Variants in GLIS3 observed in about 807,000 individuals in gnomAD.
GLIS3 encodes GLIS family zinc finger 3, also known as zinc finger protein GLIS3.
GLIS3 carries 53 observed loss-of-function variants against 78.6 expected under a neutral mutation model. The ratio of observed to expected loss-of-function variants is 0.67; its 90% confidence interval spans 0.54 to 0.85. GLIS3 has a LOEUF of 0.85. Ranked by LOEUF, GLIS3 falls within the 40% of genes least tolerant of loss-of-function variation. The pLI, the probability that GLIS3 is intolerant of heterozygous loss-of-function variation, is 0.00. For missense variants in GLIS3, 1,703 were observed against 1,231.1 expected (o/e 1.38, Z -5.74); for synonymous variants, 684 against 509.9 (o/e 1.34, Z -4.60).
chr9:4,066,348 G>A (rs1008903875), intron 4 of GLIS3, among the ~76,000 whole-genome samples: 4 of 152,076 alleles, frequency 2.6e-5, no homozygotes, highest in Admixed American at 1.3e-4. Context: ...GAAATCCTCT[G>A]GAGTGCATAT....
rs1250960206 is a variant in GLIS3 at position 4,117,759 on chromosome 9, G to A, written c.1710+9C>T. ...AAGAGAGGTCACCCCTTGCGCTTCGGAAACTCACCGTACACTTGTTGGGCT... is the reference window on the plus strand; with the variant it reads ...AAGAGAGGTCACCCCTTGCGCTTCGAAAACTCACCGTACACTTGTTGGGCT... On this transcript the variant is annotated intron_variant, in intron 4 of 10. Coordinates refer to ENST00000381971, the MANE Select transcript of GLIS3 (RefSeq NM_001042413.2). 9 of 1,614,054 alleles carry A rather than the reference G, an allele frequency of 5.6e-6. No individual in the cohort carries two copies. Among genetic ancestry groups the A allele is most frequent in the African/African-American group, 1.3e-5 (1 of 74,910 alleles).
chr9:3,828,068 AC>A lies in GLIS3; in HGVS notation c.*203del. On this transcript the variant is annotated 3_prime_UTR_variant, in exon 11 of 11. Transcript: ENST00000381971. ...CCTCCTGGTCACATAGTCCAGGAAA[AC>A]CAGAGAGAAAAAGGAGCAACTGTAA... 1 of 618,800 alleles carries A rather than the reference AC, an allele frequency of 1.6e-6. No homozygotes were observed. Among genetic ancestry groups the A allele is most frequent in the Non-Finnish European group, 2.8e-6 (1 of 351,448 alleles). The allele number at this position is 618,800 out of a possible 1,614,324, so 38.3% of individuals were successfully genotyped here. A position where few individuals can be genotyped will look rare whatever the true frequency, so the allele number is the denominator to read the frequency against.
intron 4 of GLIS3, among the ~76,000 whole-genome samples, chr9:3,951,633 C>T (rs1307331393): frequency 6.6e-6 from 1 of 152,002 alleles, no homozygotes; most frequent in East Asian, 1.9e-4. Context: ...CCGACCGGTC[C>T]TCCTTAGCTC....
At chr9:4,196,842 T>C (rs1048711346) in intron 2 of GLIS3, among the ~76,000 whole-genome samples, 2 of 152,170 alleles carry the variant, frequency 1.3e-5, no homozygotes, top group Non-Finnish European at 2.9e-5. Flanking sequence ...TGCAACCAAG[T>C]CCAGCTTGGC....
intron 4 of GLIS3, chr9:4,071,060 A>T (rs1011495251): frequency 2.6e-5 from 4 of 152,180 alleles, no homozygotes; most frequent in African/African-American, 9.7e-5. Context: ...ATGCAAAAAG[A>T]TCTGTAAGAT....
chr9:3,990,198 G>A (rs1426401816), intron 4 of GLIS3, among the ~76,000 whole-genome samples: 2 of 152,140 alleles, frequency 1.3e-5, no homozygotes, highest in African/African-American at 2.4e-5. Context: ...CTGCTTTTTT[G>A]CATCATTCTT....
intron 4 of GLIS3, among the ~76,000 whole-genome samples, chr9:4,064,214 T>C (rs1237665272): frequency 1.3e-5 from 2 of 152,156 alleles, no homozygotes; most frequent in East Asian, 1.9e-4. Flanking sequence ...ATTCATACCT[T>C]GTATTATACA....
At chr9:4,366,867 A>C in the GLIS3 span, among the ~76,000 whole-genome samples, 1 of 152,176 alleles carries the variant, frequency 6.6e-6, no homozygotes, top group South Asian at 2.1e-4. Context: ...TGTTGTCAGG[A>C]GACAATGGGC....
intron 2 of GLIS3, among the ~76,000 whole-genome samples, chr9:4,180,427 CCT>C (rs1466670740): frequency 6.6e-6 from 1 of 152,166 alleles, no homozygotes; most frequent in African/African-American, 2.4e-5. Flanking sequence ...CTGCTCTGAG[CCT>C]CTGTTTCCTC....
At chr9:4,355,370 G>A in the GLIS3 span, among the ~76,000 whole-genome samples, 8 of 152,016 alleles carry the variant, frequency 5.3e-5, no homozygotes, top group Admixed American at 1.3e-4. Context: ...CATATAGAGG[G>A]GTAAGCACAT....
At position 4,118,458 on chromosome 9, in the gene GLIS3, G is replaced by C; in HGVS notation, c.1020C>G (p.Asn340Lys). 6.2e-7 allele frequency: 1 copy of C among 1,613,610 alleles called. No homozygotes were observed. Among genetic ancestry groups the C allele is most frequent in the East Asian group, 2.2e-5 (1 of 44,870 alleles). Residue 340 changes from asparagine to lysine, a missense_variant, in exon 4 of 11, where the codon AAC becomes AAG. By Grantham distance (94) the Asn-to-Lys change is moderately conservative (BLOSUM62 0). Transcript: ENST00000381971. The surrounding 1 kb of genome is among the most constrained non-coding windows in gnomAD (Gnocchi z 4.7). ...YINGSRASPANLSPQPEVYGH... is the reference protein window; with the variant it reads ...YINGSRASPAKLSPQPEVYGH... Reference sequence around the variant, plus strand: ...CGTAGACCTCCGGCTGCGGGGACAGGTTGGCCGGCGAAGCCCTCGACCCGT... The same window carrying C: ...CGTAGACCTCCGGCTGCGGGGACAGCTTGGCCGGCGAAGCCCTCGACCCGT...
At chr9:3,913,561 T>G (rs1824291559) in intron 6 of GLIS3, among the ~76,000 whole-genome samples, 1 of 152,184 alleles carries the variant, frequency 6.6e-6, no homozygotes, top group Admixed American at 6.5e-5. Context: ...CAAACCTCCC[T>G]CATCTGGAGT....
chr9:4,339,704 A>G (rs12376086), intron 2 of GLIS3, among the ~76,000 whole-genome samples: 122,712 of 127,970 alleles, frequency 0.96, 59,117 homozygotes, highest in East Asian at 1. Context: ...AAGCCAGATA[A>G]CAATGCAATG....
chr9:3,829,259 G>T (rs1319789263), intron 10 of GLIS3, 51 bp downstream of exon 10: 12 of 1,559,526 alleles, frequency 7.7e-6, no homozygotes, highest in Non-Finnish European at 9.7e-6. Flanking sequence ...AGCCCACCTG[G>T]TCTCTCCTGT....
At chr9:4,087,245 G>C (rs1829108982) in intron 4 of GLIS3, among the ~76,000 whole-genome samples, 1 of 152,138 alleles carries the variant, frequency 6.6e-6, no homozygotes, top group Admixed American at 6.5e-5. Context: ...AAATGTATCA[G>C]CTGTTTTTTC....
At chr9:4,285,646 A>T (rs1237071807) in intron 2 of GLIS3, 2 of 197,570 alleles carry the variant, frequency 1.0e-5, no homozygotes, top group African/African-American at 4.5e-5. Flanking sequence ...GGACAGTTCC[A>T]GTCGGTCTTC....
the GLIS3 span, among the ~76,000 whole-genome samples, chr9:4,444,264 C>T: frequency 1.3e-5 from 2 of 152,214 alleles, no homozygotes; most frequent in Non-Finnish European, 2.9e-5. Flanking sequence ...TTCACAAGAA[C>T]AGCATAATAA....
At chr9:3,832,838 T>G (rs375187742) in intron 9 of GLIS3, among the ~76,000 whole-genome samples, 1 of 152,134 alleles carries the variant, frequency 6.6e-6, no homozygotes, top group African/African-American at 2.4e-5. Flanking sequence ...CAAGAAAAGA[T>G]TTTTTCACTA....
At chr9:4,339,446 T>A (rs940073886) in intron 2 of GLIS3, among the ~76,000 whole-genome samples, 4 of 152,106 alleles carry the variant, frequency 2.6e-5, no homozygotes, top group African/African-American at 9.7e-5. Flanking sequence ...GAATGACATT[T>A]ATATAGACGT....
Sources: allele counts gnomAD v4.1 joint callset (sites outside exome capture counted in the v4.1 genomes callset), GRCh38; gene constraint gnomAD v4.1.1; non-coding constraint Gnocchi (gnomAD v3.1); transcripts MANE v1.5; gene names NCBI Gene and HGNC (gene_info 2026-07-23, HGNC 2026-07-21).